The following SMAD3 variants were observed in gnomAD, a reference collection of about 807,000 sequenced individuals.
The protein encoded by SMAD3 is MAD homolog 3.
A neutral mutation model predicts 51.8 loss-of-function variants in SMAD3; 12 were observed. The observed-to-expected ratio is 0.23, with a 90% CI of 0.15 to 0.38. The LOEUF is 0.38. Ranked by LOEUF, SMAD3 falls within the 10% of genes least tolerant of loss-of-function variation. The pLI, the probability that SMAD3 is intolerant of heterozygous loss-of-function variation, is 1.00. For synonymous variants in SMAD3, 238 were observed against 227.7 expected, an observed-to-expected ratio of 1.05 and a Z score of -0.41; for missense variants, 294 against 565.6, an observed-to-expected ratio of 0.52 and a Z score of 4.87.
At chr15:67,147,844 C>T (rs1962021136) in intron 1 of SMAD3, among the ~76,000 whole-genome samples, 2 of 152,136 alleles carry the variant, frequency 1.3e-5, no homozygotes, top group African/African-American at 4.8e-5. Context: ...CTTTATATCC[C>T]ACATGACAGC....
intron 1 of SMAD3, chr15:67,125,958 G>C: frequency 1.0e-6 from 1 of 985,518 alleles, no homozygotes; most frequent in Non-Finnish European, 1.2e-6. Flanking sequence ...ACCCACACTC[G>C]GGCCTGTGTT....
chr15:67,143,501 C>T (rs1275961213), intron 1 of SMAD3, among the ~76,000 whole-genome samples: 1 of 152,218 alleles, frequency 6.6e-6, no homozygotes, highest in Non-Finnish European at 1.5e-5. Context: ...GTGGCCTGAT[C>T]TCAGCTCACT....
chr15:67,141,932 C>G (rs746584266), intron 1 of SMAD3, among the ~76,000 whole-genome samples: 1 of 152,126 alleles, frequency 6.6e-6, no homozygotes, highest in African/African-American at 2.4e-5. Flanking sequence ...AAAGGCTTCT[C>G]TAATGCTGTG....
intron 1 of SMAD3, among the ~76,000 whole-genome samples, chr15:67,096,387 G>T (rs939006441): frequency 9.2e-5 from 14 of 152,172 alleles, no homozygotes; most frequent in African/African-American, 3.4e-4. Context: ...GCACATCCAA[G>T]TCCTAAAATA....
chr15:67,171,603 T>G (rs950315690), intron 5 of SMAD3, among the ~76,000 whole-genome samples: 1 of 152,238 alleles, frequency 6.6e-6, no homozygotes, highest in African/African-American at 2.4e-5. Flanking sequence ...CAAAGTGGAT[T>G]GGACTGGTTT....
intron 1 of SMAD3, chr15:67,138,062 C>T (rs989692491): frequency 5.2e-6 from 8 of 1,551,822 alleles, no homozygotes; most frequent in African/African-American, 1.4e-5. Flanking sequence ...CGTGGAAAGG[C>T]GCAGCTCTGG....
chr15:67,091,329 C>T (rs1006039410), intron 1 of SMAD3, among the ~76,000 whole-genome samples: 5 of 152,240 alleles, frequency 3.3e-5, no homozygotes, highest in African/African-American at 4.8e-5. Flanking sequence ...CCTGCCTCCA[C>T]GGTAACAAAT....
intron 1 of SMAD3, among the ~76,000 whole-genome samples, chr15:67,119,317 G>A (rs1161505891): frequency 6.6e-6 from 1 of 152,224 alleles, no homozygotes; most frequent in Non-Finnish European, 1.5e-5. Context: ...GCCACTAGGT[G>A]ACCTTAGCAA....
At chr15:67,077,527 T>C (rs1351082054) in intron 1 of SMAD3, among the ~76,000 whole-genome samples, 2 of 152,128 alleles carry the variant, frequency 1.3e-5, no homozygotes, top group African/African-American at 4.8e-5. Context: ...AGAGATGAAG[T>C]TGTGTCTCTG....
chr15:67,073,374 C>A (rs144966525), intron 1 of SMAD3, among the ~76,000 whole-genome samples: 4 of 152,198 alleles, frequency 2.6e-5, no homozygotes, highest in Non-Finnish European at 5.9e-5. Context: ...ACAGTAGAAG[C>A]CTATTAATTA....
rs2140323563 is a variant in SMAD3, at chr15:67,187,421, G to A, written c.1066G>A (p.Val356Ile). Reference sequence around the variant, plus strand: ...GTTCGCTGCCCTCCTGGCCCAGTCGGTCAACCAGGGCTTTGAGGCTGTCTA... The same window carrying A: ...GTTCGCTGCCCTCCTGGCCCAGTCGATCAACCAGGGCTTTGAGGCTGTCTA... ...QEFAALLAQS[V>I]NQGFEAVYQL... The change falls in exon 8 of 9, where the codon GTC becomes ATC. Residue 356 changes from valine to isoleucine, a missense_variant. Around this residue, in one of 3 missense-constraint regions of SMAD3, gnomAD observed 118 missense variants for 278.0 expected, o/e 0.42. Transcript: ENST00000327367. 1 of 1,614,148 alleles carries A rather than the reference G, an allele frequency of 6.2e-7. No homozygotes were observed. Among genetic ancestry groups the A allele is most frequent in the Non-Finnish European group, 8.5e-7 (1 of 1,180,014 alleles).
intron 1 of SMAD3, among the ~76,000 whole-genome samples, chr15:67,132,473 T>G (rs1299891388): frequency 2.0e-5 from 3 of 152,024 alleles, no homozygotes; most frequent in Non-Finnish European, 4.4e-5. Flanking sequence ...TGAGGACAGA[T>G]GAGGGCAGGG....
intron 1 of SMAD3, among the ~76,000 whole-genome samples, chr15:67,122,094 T>C (rs544723203): frequency 8.6e-4 from 131 of 152,360 alleles, no homozygotes; most frequent in Non-Finnish European, 1.6e-3. Context: ...CCAAAAATTC[T>C]ATTGGGTAGC....
chr15:67,157,915 CT>C (rs1191949526), intron 1 of SMAD3, among the ~76,000 whole-genome samples: 1 of 152,204 alleles, frequency 6.6e-6, no homozygotes, highest in Non-Finnish European at 1.5e-5. Context: ...TTAAAACCTT[CT>C]GTCAGAGGAA....
In SMAD3 at chr15:67,065,720, AG is replaced by A. The variant is rs1340714971; in HGVS notation, c.-434del. 1 of 199,136 alleles carries A rather than the reference AG, an allele frequency of 5.0e-6. No individual in the cohort carries two copies. Among genetic ancestry groups the A allele is most frequent in the Non-Finnish European group, 1.0e-5 (1 of 96,282 alleles). The allele number at this position is 199,136 out of a possible 1,614,324, so 12.3% of individuals were successfully genotyped here. A position where few individuals can be genotyped will look rare whatever the true frequency, so the allele number is the denominator to read the frequency against. On this transcript the variant is annotated 5_prime_UTR_variant, in exon 1 of 9. Transcript: ENST00000327367. Reference sequence around the variant, plus strand: ...GAGGGTGGCGGGGCGGTGAGGCCGCAGAGGCGGAGGGATCTGCGCATCAAAG... The same window carrying A: ...GAGGGTGGCGGGGCGGTGAGGCCGCAAGGCGGAGGGATCTGCGCATCAAAG...
chr15:67,097,960 A>G (rs1595897049), intron 1 of SMAD3, among the ~76,000 whole-genome samples: 1 of 152,148 alleles, frequency 6.6e-6, no homozygotes, highest in Admixed American at 6.5e-5. Flanking sequence ...GTCTTCAAGG[A>G]TCCTGGTCCT....
At chr15:67,106,775 C>T (rs762649143) in intron 1 of SMAD3, among the ~76,000 whole-genome samples, 9 of 152,198 alleles carry the variant, frequency 5.9e-5, no homozygotes, top group Non-Finnish European at 1.2e-4. Context: ...CTGGCTCTTC[C>T]TGGCTTCACT....
chr15:67,164,790 G>C (rs867462066), intron 1 of SMAD3, 105 bp from the exon 2 acceptor site: 17 of 1,169,746 alleles, frequency 1.5e-5, no homozygotes, highest in East Asian at 2.3e-5. Context: ...GGAGAAATGA[G>C]GGGAGAGAGA....
chr15:67,167,387 GAGGGCCTGCCACA>G (rs1962621157), intron 4 of SMAD3, among the ~76,000 whole-genome samples: 1 of 152,164 alleles, frequency 6.6e-6, no homozygotes, highest in Non-Finnish European at 1.5e-5. Flanking sequence ...GAGAAGATGG[GAGGGCCTGCCACA>G]CAGGGGTCCC....
Sources: gnomAD v4.1 joint callset for allele counts (sites outside exome capture counted in the v4.1 genomes callset) on GRCh38, gnomAD v4.1.1 for gene constraint, gnomAD v4.1.1 regional missense constraint, MANE v1.5 for transcripts, NCBI Gene and HGNC (gene_info 2026-07-23, HGNC 2026-07-21) for gene names.